Variants in CTTNBP2NL observed in about 807,000 individuals in gnomAD.
The protein encoded by CTTNBP2NL is CTTNBP2 N-terminal like.
CTTNBP2NL carries 16 observed loss-of-function variants against 32.5 expected under a neutral mutation model. The ratio of observed to expected loss-of-function variants is 0.49; its 90% CI spans 0.33 to 0.75. CTTNBP2NL has a LOEUF of 0.75. CTTNBP2NL is among the 30% of genes least tolerant of loss of function. CTTNBP2NL has a pLI of 0.02. For synonymous variants in CTTNBP2NL, 298 were observed against 289.4 expected (o/e 1.03, Z -0.30); for missense variants, 645 against 756.0 (o/e 0.85, Z 1.72).
At chr1:112,454,405 G>T in intron 4 of CTTNBP2NL, 44 bp from the exon 5 acceptor site, 1 of 1,417,792 alleles carries the variant, frequency 7.1e-7, no homozygotes, top group South Asian at 1.2e-5. Flanking sequence ...TAATAAATGT[G>T]ACTCCTTGAT....
At chr1:112,397,840 T>C (rs535498479) in intron 1 of CTTNBP2NL, among the ~76,000 whole-genome samples, 1 of 152,358 alleles carries the variant, frequency 6.6e-6, no homozygotes, top group African/African-American at 2.4e-5. Context: ...AGGGTGATTG[T>C]AATGACTGTT....
chr1:112,408,538 A>T (rs1648753722), intron 1 of CTTNBP2NL, among the ~76,000 whole-genome samples: 1 of 152,142 alleles, frequency 6.6e-6, no homozygotes, highest in Non-Finnish European at 1.5e-5. Context: ...TCTACCTCCA[A>T]TATGAGGTTG....
At position 112,460,254 on chromosome 1, in the gene CTTNBP2NL, G is replaced by A. The variant is rs1006889520; in HGVS notation, c.*2842G>A. On this transcript the variant is annotated 3_prime_UTR_variant, in exon 6 of 6. Coordinates refer to ENST00000271277, the MANE Select transcript of CTTNBP2NL (RefSeq NM_018704.3). ...TTGCTGTTTGGGGGGAAATAGTCTT[G>A]TTTGTACAAAGTGAAAAATGGCACA... is the stretch of plus-strand genomic sequence containing the variant. 1 of 152,148 alleles carries A rather than the reference G, an allele frequency of 6.6e-6. No individual in the cohort carries two copies. The highest frequency in any genetic ancestry group is 1.5e-5 in the Non-Finnish European group (1 of 68,014). 9.4% of individuals were successfully genotyped at this position (152,148 alleles called of 1,614,324 possible). A position where few individuals can be genotyped will look rare whatever the true frequency, so the allele number is the denominator to read the frequency against.
chr1:112,429,909 G>A (rs913634445), intron 3 of CTTNBP2NL, among the ~76,000 whole-genome samples: 1 of 152,136 alleles, frequency 6.6e-6, no homozygotes, highest in African/African-American at 2.4e-5. Context: ...CTTTTAGCTT[G>A]GTTCTCTTGA....
At chr1:112,401,734 G>A (rs555087665) in intron 1 of CTTNBP2NL, among the ~76,000 whole-genome samples, 1 of 152,200 alleles carries the variant, frequency 6.6e-6, no homozygotes, top group African/African-American at 2.4e-5. Flanking sequence ...AAGAAAACAA[G>A]ACTACAAAGA....
In CTTNBP2NL at chr1:112,452,335, CTTTTTTT is replaced by C. The variant is rs1157736195; in HGVS notation, c.331-2093_331-2087del. ...GCATACACCACAGCACCAGTCTCTT[CTTTTTTT>C]TTTTTTTTTTTTTTTTTTTTAGACA... On this transcript the variant is annotated intron_variant, in intron 4 of 5. Coordinates refer to ENST00000271277, the MANE Select transcript of CTTNBP2NL (RefSeq NM_018704.3). Among the ~76,000 whole-genome samples, 4 of 65,688 alleles carry C rather than the reference CTTTTTTT, an allele frequency of 6.1e-5. 1 individual carries two copies. The highest frequency in any genetic ancestry group is 1.2e-3 in the East Asian group (2 of 1,706). The allele number at this position is 65,688 out of a possible 152,430, so 43.1% of individuals were successfully genotyped here. A position where few individuals can be genotyped will look rare whatever the true frequency, so the allele number is the denominator to read the frequency against.
intron 3 of CTTNBP2NL, among the ~76,000 whole-genome samples, chr1:112,438,858 A>G (rs1649815941): frequency 6.6e-6 from 1 of 152,198 alleles, no homozygotes; most frequent in South Asian, 2.1e-4. Flanking sequence ...AATTATCACT[A>G]AACACCCTGC....
At chr1:112,409,024 A>C (rs1398744038) in intron 1 of CTTNBP2NL, among the ~76,000 whole-genome samples, 5 of 150,254 alleles carry the variant, frequency 3.3e-5, no homozygotes, top group African/African-American at 4.9e-5. Flanking sequence ...GCTACTTAGG[A>C]GGCTGAGGCA....
At chr1:112,403,810 T>C (rs1291513098) in intron 1 of CTTNBP2NL, among the ~76,000 whole-genome samples, 2 of 152,232 alleles carry the variant, frequency 1.3e-5, no homozygotes, top group African/African-American at 4.8e-5. Flanking sequence ...AAACTGACTT[T>C]CCCAGGAACT....
intron 1 of CTTNBP2NL, among the ~76,000 whole-genome samples, chr1:112,405,425 G>C (rs1391302575): frequency 6.6e-6 from 1 of 152,158 alleles, no homozygotes; most frequent in Non-Finnish European, 1.5e-5. Context: ...AGCCACCTGA[G>C]AAGCTGGGAT....
upstream of CTTNBP2NL, among the ~76,000 whole-genome samples, chr1:112,392,920 C>T (rs941218181): frequency 2.6e-5 from 4 of 152,020 alleles, no homozygotes; most frequent in African/African-American, 9.7e-5. Flanking sequence ...TGCAGTGGCG[C>T]GATCTCGGCT....
At chr1:112,454,818 G>A (rs111282167) in intron 5 of CTTNBP2NL, among the ~76,000 whole-genome samples, 2 of 152,218 alleles carry the variant, frequency 1.3e-5, no homozygotes, top group African/African-American at 4.8e-5. Flanking sequence ...TCTTTTATTG[G>A]CATAGATCCC....
chr1:112,392,372 T>C (rs988240913), upstream of CTTNBP2NL, among the ~76,000 whole-genome samples: 1 of 152,260 alleles, frequency 6.6e-6, no homozygotes, highest in African/African-American at 2.4e-5. Context: ...GCTTGATTAA[T>C]GTATCTAGCA....
intron 1 of CTTNBP2NL, among the ~76,000 whole-genome samples, chr1:112,398,196 G>C (rs546127763): frequency 9.2e-5 from 14 of 152,174 alleles, no homozygotes; most frequent in South Asian, 4.1e-4. Flanking sequence ...GATTGCCGAG[G>C]TTTAATAGGA....
In CTTNBP2NL at chr1:112,457,334, C is replaced by G. The variant is rs754657426; in HGVS notation, c.1842C>G (p.Asp614Glu). The G allele has an allele frequency of 6.2e-7, 1 of 1,614,170 alleles. No individual in the cohort carries two copies. The highest frequency in any genetic ancestry group is 8.5e-7 in the Non-Finnish European group (1 of 1,180,012). ...SQAASLTTAE[D>E]LASSCSSNTV... ...CAGCCTCTTTGACCACTGCAGAAGA[C>G]CTTGCCAGCAGCTGCTCTTCCAATA... is the stretch of plus-strand genomic sequence containing the variant. Residue 614 changes from aspartate (D) to glutamate (E), a missense_variant, in exon 6 of 6, where the codon GAC (aspartate) becomes GAG (glutamate). Asp to Glu is a conservative substitution (Grantham distance 45). Transcript: ENST00000271277.
At chr1:112,415,984 T>C in intron 2 of CTTNBP2NL, 173 bp from the exon 3 acceptor site, 2 of 532,080 alleles carry the variant, frequency 3.8e-6, no homozygotes, top group East Asian at 7.0e-5. Flanking sequence ...TACTTTCTGT[T>C]GTTGCTTAGT....
chr1:112,428,071 A>G (rs1649456099), intron 3 of CTTNBP2NL, among the ~76,000 whole-genome samples: 1 of 152,066 alleles, frequency 6.6e-6, no homozygotes, highest in African/African-American at 2.4e-5. Context: ...AATTATAAGC[A>G]TTTATATATA....
At chr1:112,399,043 G>C (rs958685102) in intron 1 of CTTNBP2NL, among the ~76,000 whole-genome samples, 1 of 152,008 alleles carries the variant, frequency 6.6e-6, no homozygotes, top group African/African-American at 2.4e-5. Flanking sequence ...TCTGAGGCCA[G>C]GCTTGGTGGC....
In CTTNBP2NL at chr1:112,456,480, A is replaced by T; in HGVS notation, c.988A>T (p.Met330Leu). 6.2e-7 allele frequency: 1 copy of T among 1,614,124 alleles called. No individual in the cohort carries two copies. The highest frequency in any genetic ancestry group is 8.5e-7 in the Non-Finnish European group (1 of 1,180,018). ...AACCCATGGGAGCAACATAGCCAAG[A>T]TGACAAACACTGGGCTGCCTGGTCC... ...ERTHGSNIAKMTNTGLPGPAT... is the reference protein window; with the variant it reads ...ERTHGSNIAKLTNTGLPGPAT... The change falls in exon 6 of 6, where the codon ATG (methionine) becomes TTG (leucine). Residue 330 changes from methionine to leucine, a missense_variant. Met to Leu is a conservative substitution (Grantham distance 15). Coordinates refer to ENST00000271277, the MANE Select transcript of CTTNBP2NL (RefSeq NM_018704.3).
Sources: gnomAD v4.1 joint callset for allele counts (sites outside exome capture counted in the v4.1 genomes callset) on GRCh38, gnomAD v4.1.1 for gene constraint, MANE v1.5 for transcripts, NCBI Gene and HGNC (gene_info 2026-07-23, HGNC 2026-07-21) for gene names.